VAV2: variants seen among roughly 807,000 people sequenced by gnomAD.
VAV2 encodes the protein guanine nucleotide exchange factor VAV2.
In VAV2, 67 loss-of-function variants were observed where a neutral mutation model predicts 132.5. The observed-to-expected ratio is 0.51, with a 90% CI of 0.42 to 0.62. The LOEUF is 0.62. VAV2 is among the 20% of genes least tolerant of loss of function. The probability of loss-of-function intolerance (pLI) is 0.00; values close to 1 mark genes in which losing one functional copy is unlikely to be tolerated. For synonymous variants in VAV2, 492 were observed against 443.5 expected (o/e 1.11, Z -1.37); for missense variants, 938 against 1,153.6 (o/e 0.81, Z 2.71).
rs901426943 is a variant in VAV2, at chr9:133,840,350, T to C, written c.381-6010A>G. Among the ~76,000 whole-genome samples, 1 of 152,074 alleles carries C rather than the reference T, an allele frequency of 6.6e-6. No homozygotes were observed. The highest frequency in any genetic ancestry group is 2.4e-5 in the African/African-American group (1 of 41,406). ...AGAGAAATCCCCAGCAGAGCCCGCG[T>C]TGGGCAGCAGCCCCTCCTCCCAAAC... On this transcript the variant is annotated intron_variant, in intron 3 of 29. Transcript: ENST00000371850. The surrounding 1 kb of genome is among the most constrained non-coding windows in gnomAD (Gnocchi z 4.5).
At chr9:133,865,945 T>C (rs1038565136) in intron 2 of VAV2, among the ~76,000 whole-genome samples, 1 of 152,212 alleles carries the variant, frequency 6.6e-6, no homozygotes, top group Non-Finnish European at 1.5e-5. Flanking sequence ...GCAGGGTGTA[T>C]CCTGCCAGAG....
At chr9:133,891,667 GGA>G (rs1838964340) in intron 2 of VAV2, among the ~76,000 whole-genome samples, 1 of 9,718 alleles carries the variant, frequency 1.0e-4, no homozygotes, top group Non-Finnish European at 2.4e-4. Flanking sequence ...GGGGGAAGCG[GGA>G]GGGATGAAGA....
Position 133,834,138 on chromosome 9 carries a change from G to T in VAV2, c.449+134C>A. 1 of 969,854 alleles carries T rather than the reference G, an allele frequency of 1.0e-6. No homozygotes were observed. Among genetic ancestry groups the T allele is most frequent in the Non-Finnish European group, 1.5e-6 (1 of 649,612 alleles). 60.1% of individuals were successfully genotyped at this position (969,854 alleles called of 1,614,324 possible). ...ACACCATGACCCATCATGAGGAGAT[G>T]CCCCGGTGGGAAGGGCCAGGGCCAG... On this transcript the variant is annotated intron_variant, in intron 4 of 29. Transcript: ENST00000371850. The surrounding 1 kb of genome is among the most constrained non-coding windows in gnomAD (Gnocchi z 5.9).
intron 4 of VAV2, among the ~76,000 whole-genome samples, chr9:133,816,437 C>A (rs546105267): frequency 6.6e-6 from 1 of 152,178 alleles, no homozygotes; most frequent in Non-Finnish European, 1.5e-5. Context: ...ATTTTCTTAT[C>A]GGAACTTCAT....
At chr9:133,896,590 T>C (rs1386472862) in intron 2 of VAV2, among the ~76,000 whole-genome samples, 1 of 152,224 alleles carries the variant, frequency 6.6e-6, no homozygotes, top group Admixed American at 6.5e-5. Flanking sequence ...TGCGAAACTT[T>C]CAAACTGTTG....
chr9:133,797,506 G>A (rs2131638562), intron 10 of VAV2, among the ~76,000 whole-genome samples: 1 of 152,302 alleles, frequency 6.6e-6, no homozygotes, highest in South Asian at 2.1e-4. Flanking sequence ...ACTGTGTCCT[G>A]GCCTGGGATG....
Position 133,769,626 on chromosome 9 carries a change from A to G in VAV2, c.2348-123T>C. On this transcript the variant is annotated intron_variant, in intron 27 of 29. Transcript: ENST00000371850. This position sits in a 1 kb window ranked among gnomAD's most constrained non-coding sequence, Gnocchi z 8.1. ...GGCCCTTTGGCAGGAGAGGCCCTAC[A>G]GGGGGGCAAAGGAGGCAGGGGGCAG... 9.9e-7 allele frequency: 1 copy of G among 1,005,338 alleles called. No homozygotes were observed. The highest frequency in any genetic ancestry group is 2.5e-5 in the Admixed American group (1 of 39,286). The allele number at this position is 1,005,338 out of a possible 1,614,324, so 62.3% of individuals were successfully genotyped here. A position where few individuals can be genotyped will look rare whatever the true frequency, so the allele number is the denominator to read the frequency against.
chr9:133,890,349 A>G (rs1321793669), intron 2 of VAV2, among the ~76,000 whole-genome samples: 2 of 152,216 alleles, frequency 1.3e-5, no homozygotes. Context: ...GGCAACCAGG[A>G]GGAATCGTGG....
rs898516474 is a variant in VAV2 at position 133,772,051 on chromosome 9, G to C, written c.2136-5C>G. 1 of 1,095,936 alleles carries C rather than the reference G, an allele frequency of 9.1e-7. No individual in the cohort carries two copies. The highest frequency in any genetic ancestry group is 1.3e-6 in the Non-Finnish European group (1 of 797,384). 67.9% of individuals were successfully genotyped at this position (1,095,936 alleles called of 1,614,324 possible). A position where few individuals can be genotyped will look rare whatever the true frequency, so the allele number is the denominator to read the frequency against. ...TGCTTCACCTCATCATTGAACCTGA[G>C]CAAACACACGGCCCCGGCGGTCACC... On this transcript the variant is annotated splice_polypyrimidine_tract_variant and splice_region_variant and intron_variant, in intron 25 of 29. Coordinates refer to ENST00000371850, the MANE Select transcript of VAV2 (RefSeq NM_001134398.2).
At chr9:133,903,751 G>A (rs1839534580) in intron 2 of VAV2, among the ~76,000 whole-genome samples, 1 of 152,152 alleles carries the variant, frequency 6.6e-6, no homozygotes, top group Non-Finnish European at 1.5e-5. Flanking sequence ...ATTCTCAACA[G>A]GGGGATGCTG....
intron 10 of VAV2, 62 bp from the exon 11 acceptor site, chr9:133,796,586 GT>G: frequency 2.7e-6 from 4 of 1,471,990 alleles, no homozygotes; most frequent in Non-Finnish European, 2.8e-6. Flanking sequence ...CCACCCACCT[GT>G]ACCCCCGCCC....
At chr9:133,981,880 C>T (rs978064947) in intron 1 of VAV2, among the ~76,000 whole-genome samples, 5 of 152,148 alleles carry the variant, frequency 3.3e-5, no homozygotes, top group Admixed American at 2.0e-4. Flanking sequence ...GCCCCAAGGG[C>T]GGGGGTGGGG....
At position 133,768,274 on chromosome 9, in the gene VAV2, C is replaced by T. The variant is rs952543263; in HGVS notation, c.2589+168G>A. On this transcript the variant is annotated intron_variant, in intron 29 of 29. Transcript: ENST00000371850. This position sits in a 1 kb window ranked among gnomAD's most constrained non-coding sequence, Gnocchi z 5.3. ...TAAACATCTGGAGCCTCGGTTTCCCCCTGTGAATGCCAACCTTCTGGGCTG... is the reference window on the plus strand; with the variant it reads ...TAAACATCTGGAGCCTCGGTTTCCCTCTGTGAATGCCAACCTTCTGGGCTG... Among the ~76,000 whole-genome samples the T allele has an allele frequency of 6.6e-6, 1 of 152,108 alleles. No individual in the cohort carries two copies. The highest frequency in any genetic ancestry group is 2.4e-5 in the African/African-American group (1 of 41,408).
intron 23 of VAV2, among the ~76,000 whole-genome samples, chr9:133,776,522 A>G (rs570304188): frequency 1.1e-4 from 16 of 151,924 alleles, no homozygotes; most frequent in African/African-American, 3.9e-4. Flanking sequence ...ACAGCCCCCC[A>G]CCCTGGCCTC....
intron 9 of VAV2, 124 bp downstream of exon 9, chr9:133,805,957 C>A: frequency 4.8e-6 from 5 of 1,047,754 alleles, no homozygotes; most frequent in Admixed American, 2.3e-5. Flanking sequence ...AGGACGGGGT[C>A]CAGAGGGGGC....
chr9:133,944,767 A>G (rs1448786616), intron 1 of VAV2, among the ~76,000 whole-genome samples: 1 of 152,238 alleles, frequency 6.6e-6, no homozygotes, highest in African/African-American at 2.4e-5. Context: ...CAGGTGCCAC[A>G]CTGTCTCAGG....
At chr9:133,978,822 A>G (rs1264893362) in intron 1 of VAV2, among the ~76,000 whole-genome samples, 2 of 152,238 alleles carry the variant, frequency 1.3e-5, no homozygotes, top group Non-Finnish European at 2.9e-5. Flanking sequence ...ATTCTTGTTT[A>G]TCTTTTGGAT....
rs1229920631 is a variant in VAV2 at position 133,770,508 on chromosome 9, G to C, written c.2224-7C>G. The C allele has an allele frequency of 3.1e-6, 5 of 1,613,544 alleles. No homozygotes were observed. Among genetic ancestry groups the C allele is most frequent in the Non-Finnish European group, 4.2e-6 (5 of 1,179,764 alleles). ...GGTAGTACTCCACCAACTCCTGCAG[G>C]GCGTACACACTCACTGACAGCTGCT... On this transcript the variant is annotated splice_polypyrimidine_tract_variant and splice_region_variant and intron_variant, in intron 26 of 29. Coordinates refer to ENST00000371850, the MANE Select transcript of VAV2 (RefSeq NM_001134398.2).
chr9:133,957,184 C>T (rs1263850334), intron 1 of VAV2, among the ~76,000 whole-genome samples: 1 of 152,182 alleles, frequency 6.6e-6, no homozygotes, highest in African/African-American at 2.4e-5. Context: ...CAGTTACGGG[C>T]CTCCCCTGTA....
Sources: gnomAD v4.1 joint callset for allele counts (sites outside exome capture counted in the v4.1 genomes callset) on GRCh38, gnomAD v4.1.1 for gene constraint, Gnocchi (gnomAD v3.1) non-coding constraint, MANE v1.5 for transcripts, NCBI Gene and HGNC (gene_info 2026-07-23, HGNC 2026-07-21) for gene names.